The following CRPPA variants were observed in gnomAD, a reference collection of about 807,000 sequenced individuals.
The protein encoded by CRPPA is D-ribitol-5-phosphate cytidylyltransferase.
A neutral mutation model predicts 52.0 loss-of-function variants in CRPPA; 43 were observed. The ratio of observed to expected loss-of-function variants is 0.83; its 90% confidence interval spans 0.65 to 1.07. The LOEUF is 1.07. CRPPA is among the 50% of genes least tolerant of loss of function. The pLI is 0.00. For synonymous variants in CRPPA, 250 were observed against 203.5 expected (o/e 1.23, Z -1.94); for missense variants, 629 against 551.7 (o/e 1.14, Z -1.40).
At chr7:16,093,264 C>T (rs1163741102) in intron 9 of CRPPA, among the ~76,000 whole-genome samples, 2 of 152,166 alleles carry the variant, frequency 1.3e-5, no homozygotes, top group African/African-American at 4.8e-5. Flanking sequence ...AAAAGAGGTT[C>T]TGATTATGAT....
chr7:16,219,919 G>C (rs1363365187), intron 8 of CRPPA, among the ~76,000 whole-genome samples: 1 of 147,866 alleles, frequency 6.8e-6, no homozygotes, highest in Non-Finnish European at 1.5e-5. Flanking sequence ...CAGAAAAAGA[G>C]GGAATCCTCC....
chr7:16,185,484 T>C (rs192298669), intron 9 of CRPPA, among the ~76,000 whole-genome samples: 1 of 152,278 alleles, frequency 6.6e-6, no homozygotes, highest in Admixed American at 6.5e-5. Flanking sequence ...AGTGTTATTA[T>C]AACAAGGCAT....
At chr7:16,132,668 T>C (rs1338311165) in intron 9 of CRPPA, among the ~76,000 whole-genome samples, 1 of 124,844 alleles carries the variant, frequency 8.0e-6, no homozygotes, top group African/African-American at 2.6e-5. Context: ...TTTACTTACA[T>C]GCAAATTTTT....
At chr7:16,378,560 A>G (rs968464287) in intron 2 of CRPPA, among the ~76,000 whole-genome samples, 9 of 151,966 alleles carry the variant, frequency 5.9e-5, no homozygotes, top group African/African-American at 2.2e-4. Context: ...GAATAGTGCC[A>G]CAATAAACAT....
chr7:16,399,492 G>C, intron 2 of CRPPA, among the ~76,000 whole-genome samples: 1 of 124,056 alleles, frequency 8.1e-6, no homozygotes, highest in South Asian at 2.8e-4. Flanking sequence ...ATCAACACAT[G>C]TGACTCGTGA....
chr7:16,087,889 G>C lies in CRPPA; in HGVS notation c.*3806C>G, dbSNP rs886062140. The C allele has an allele frequency of 2.0e-5, 3 of 152,188 alleles. No homozygotes were observed. Among genetic ancestry groups the C allele is most frequent in the African/African-American group, 7.2e-5 (3 of 41,532 alleles). 9.4% of individuals were successfully genotyped at this position (152,188 alleles called of 1,614,324 possible). A position where few individuals can be genotyped will look rare whatever the true frequency, so the allele number is the denominator to read the frequency against. ...TTTGTAGTTTCAACATTAAAACAAA[G>C]TCAAATTTACAGATTTTAAGACATT... On this transcript the variant is annotated 3_prime_UTR_variant, in exon 10 of 10. Transcript: ENST00000407010.
intron 8 of CRPPA, among the ~76,000 whole-genome samples, chr7:16,231,577 C>T (rs924928111): frequency 6.6e-6 from 1 of 152,188 alleles, no homozygotes; most frequent in African/African-American, 2.4e-5. Context: ...TAAAATCCCA[C>T]TGTGAAAAAT....
intron 9 of CRPPA, among the ~76,000 whole-genome samples, chr7:16,160,871 C>T (rs1259230260): frequency 6.6e-6 from 1 of 152,128 alleles, no homozygotes; most frequent in East Asian, 1.9e-4. Context: ...TTGAAGAGGT[C>T]CTTCACATCT....
chr7:16,155,079 A>G (rs1326780725), intron 9 of CRPPA, among the ~76,000 whole-genome samples: 2 of 151,664 alleles, frequency 1.3e-5, no homozygotes, highest in African/African-American at 2.4e-5. Context: ...TGGCCTCCCA[A>G]AATGCTGGGA....
At chr7:16,387,282 A>T (rs1259885799) in intron 2 of CRPPA, among the ~76,000 whole-genome samples, 1 of 151,620 alleles carries the variant, frequency 6.6e-6, no homozygotes, top group Non-Finnish European at 1.5e-5. Context: ...AACAGAACAA[A>T]AAAGAGGAAA....
intron 4 of CRPPA, among the ~76,000 whole-genome samples, chr7:16,305,370 C>T (rs1428197581): frequency 6.6e-6 from 1 of 152,164 alleles, no homozygotes; most frequent in East Asian, 1.9e-4. Context: ...CAATCCAGAG[C>T]ACGACAGGAC....
At chr7:16,259,161 G>A in intron 6 of CRPPA, 149 bp from the exon 7 acceptor site, 1 of 540,610 alleles carries the variant, frequency 1.8e-6, no homozygotes, top group East Asian at 3.0e-5. Context: ...AGTTCATCAG[G>A]CTATCAAGAA....
In CRPPA at chr7:16,293,440, G is replaced by T. The variant is rs1054586372; in HGVS notation, c.835+7981C>A. ...AGTCTATTCTCTGTCTCACATGAAA[G>T]AATTTTAAAATAATATTAAAGAGAA... On this transcript the variant is annotated intron_variant, in intron 5 of 9. Coordinates refer to ENST00000407010, the MANE Select transcript of CRPPA (RefSeq NM_001101426.4). 5.3e-5 allele frequency among the ~76,000 whole-genome samples: 8 copies of T among 152,010 alleles called. No homozygotes were observed. In the South Asian group the frequency reaches 8.3e-4, roughly 16 times the overall value.
At chr7:16,206,584 C>A (rs937499919) in intron 9 of CRPPA, among the ~76,000 whole-genome samples, 2 of 151,712 alleles carry the variant, frequency 1.3e-5, no homozygotes. Flanking sequence ...TAAAAAAGAA[C>A]ATAGTAAAAA....
intron 9 of CRPPA, among the ~76,000 whole-genome samples, chr7:16,170,749 G>A (rs1781164707): frequency 1.3e-5 from 2 of 152,174 alleles, no homozygotes; most frequent in African/African-American, 2.4e-5. Flanking sequence ...GAGGCCCCGT[G>A]AGAATTCAAG....
intron 9 of CRPPA, among the ~76,000 whole-genome samples, chr7:16,169,643 C>T (rs760769818): frequency 2.6e-5 from 4 of 152,208 alleles, no homozygotes; most frequent in African/African-American, 4.8e-5. Context: ...TAACTCACAG[C>T]GTGAGTCTGT....
Position 16,263,990 on chromosome 7 carries a change from AT to A in CRPPA, c.934-4979del, listed in dbSNP as rs35574118. On this transcript the variant is annotated intron_variant, in intron 6 of 9. Coordinates refer to ENST00000407010, the MANE Select transcript of CRPPA (RefSeq NM_001101426.4). ...TGTACTCTTGAAAAACCAAACTGCAATTTTTTTTCTTCTTGAAATTGAGACT... is the reference window on the plus strand; with the variant it reads ...TGTACTCTTGAAAAACCAAACTGCAATTTTTTTCTTCTTGAAATTGAGACT... 7.7e-3 allele frequency among the ~76,000 whole-genome samples: 1,174 copies of A among 151,958 alleles called. 18 individuals are homozygous for A. The highest frequency in any genetic ancestry group is 0.026 in the African/African-American group (1,080 of 41,426).
chr7:16,405,825 T>G (rs1437204969), intron 2 of CRPPA, among the ~76,000 whole-genome samples: 1 of 152,242 alleles, frequency 6.6e-6, no homozygotes, highest in Non-Finnish European at 1.5e-5. Flanking sequence ...GTAATAACAT[T>G]AATACATTCT....
At chr7:16,344,623 A>C (rs1785959893) in intron 3 of CRPPA, among the ~76,000 whole-genome samples, 1 of 152,076 alleles carries the variant, frequency 6.6e-6, no homozygotes, top group African/African-American at 2.4e-5. Context: ...AAGTATGAGA[A>C]AGTTGCCTTA....
Sources: allele counts gnomAD v4.1 joint callset (sites outside exome capture counted in the v4.1 genomes callset), GRCh38; gene constraint gnomAD v4.1.1; transcripts MANE v1.5; gene names NCBI Gene and HGNC (gene_info 2026-07-23, HGNC 2026-07-21).